Variants in SAMD12 observed in about 807,000 individuals in gnomAD.
The protein encoded by SAMD12 is sterile alpha motif domain-containing protein 12.
A neutral mutation model predicts 15.0 loss-of-function variants in SAMD12; 9 were observed. That is an observed-to-expected ratio of 0.60 (90% CI 0.36 to 1.05). The LOEUF is 1.05. SAMD12 is among the 50% of genes least tolerant of loss of function. The pLI, the probability that SAMD12 is intolerant of heterozygous loss-of-function variation, is 0.01. For synonymous variants in SAMD12, 86 were observed against 90.1 expected (o/e 0.96, Z 0.25); for missense variants, 230 against 234.2 (o/e 0.98, Z 0.12).
intron 3 of SAMD12, among the ~76,000 whole-genome samples, chr8:118,400,939 G>C (rs939808224): frequency 1.3e-5 from 2 of 152,140 alleles, no homozygotes; most frequent in African/African-American, 4.8e-5. Context: ...AACTATATTG[G>C]TTAAATTAAG....
Position 118,379,619 on chromosome 8 carries a change from T to G in SAMD12, c.404A>C (p.Gln135Pro). Residue 135 changes from glutamine to proline, a missense_variant, in exon 4 of 4, where the codon CAA becomes CCA. Transcript: ENST00000314727. The part of the protein sequence containing the change: ...AQENLRQHIL[Q>P]QVLQLKVREE... ...TCGCACCTTCAGCTGGAGCACCTGT[T>G]GTAAGATGTGCTGCCGGAGGTTCTC... The G allele has an allele frequency of 3.1e-6, 5 of 1,613,976 alleles. No homozygotes were observed. Among genetic ancestry groups the G allele is most frequent in the Non-Finnish European group, 4.2e-6 (5 of 1,179,896 alleles).
At chr8:118,163,965 A>C in the SAMD12 span, among the ~76,000 whole-genome samples, 1 of 152,344 alleles carries the variant, frequency 6.6e-6, no homozygotes, top group East Asian at 1.9e-4. Context: ...GAGGAAGAAC[A>C]TTGCTGGAGC....
intron 2 of SAMD12, among the ~76,000 whole-genome samples, chr8:118,515,143 C>A (rs952834243): frequency 2.3e-4 from 34 of 150,574 alleles, no homozygotes; most frequent in Admixed American, 2.3e-3. Context: ...CTCAGCCTCC[C>A]GAGTAGCTGG....
intron 4 of SAMD12, among the ~76,000 whole-genome samples, chr8:118,294,775 C>T (rs531823539): frequency 1.3e-5 from 2 of 152,286 alleles, no homozygotes; most frequent in African/African-American, 2.4e-5. Flanking sequence ...AAAAGTGATA[C>T]TTCGTACATC....
At chr8:118,134,303 C>A in the SAMD12 span, among the ~76,000 whole-genome samples, 1 of 152,194 alleles carries the variant, frequency 6.6e-6, no homozygotes, top group Non-Finnish European at 1.5e-5. Flanking sequence ...AGCTCTCAAC[C>A]CCATGCAGCT....
chr8:118,200,970 C>G (rs1026741170), intron 4 of SAMD12, among the ~76,000 whole-genome samples: 13 of 152,172 alleles, frequency 8.5e-5, no homozygotes, highest in African/African-American at 3.1e-4. Flanking sequence ...GTGGCGTGCA[C>G]CACTACACCC....
intron 3 of SAMD12, among the ~76,000 whole-genome samples, chr8:118,387,267 A>G (rs140912449): frequency 4.6e-4 from 70 of 152,266 alleles, no homozygotes; most frequent in Admixed American, 2.3e-3. Context: ...TGTCTAGGAA[A>G]GCACAATCTG....
chr8:118,601,586 A>C (rs1414447219), intron 1 of SAMD12, among the ~76,000 whole-genome samples: 1 of 152,332 alleles, frequency 6.6e-6, no homozygotes, highest in East Asian at 1.9e-4. Context: ...TCAGAAGAGA[A>C]ATCGTAGAAA....
At chr8:118,156,353 C>T in the SAMD12 span, among the ~76,000 whole-genome samples, 1 of 152,144 alleles carries the variant, frequency 6.6e-6, no homozygotes, top group African/African-American at 2.4e-5. Context: ...TTGCTTGGAT[C>T]CAAATGTCTT....
intron 1 of SAMD12, among the ~76,000 whole-genome samples, chr8:118,608,798 G>A (rs1309893852): frequency 2.6e-5 from 4 of 152,158 alleles, no homozygotes; most frequent in Non-Finnish European, 5.9e-5. Context: ...TACCATGTGT[G>A]AGCATGTGGG....
chr8:118,188,277 A>C (rs959939067), downstream of SAMD12, among the ~76,000 whole-genome samples: 7 of 152,152 alleles, frequency 4.6e-5, no homozygotes, highest in Non-Finnish European at 7.4e-5. Context: ...GACAAAGAGA[A>C]TATTTTGTTT....
At chr8:118,423,092 C>A (rs10955876) in intron 3 of SAMD12, among the ~76,000 whole-genome samples, 48,357 of 152,070 alleles carry the variant, frequency 0.32, 9,070 homozygotes, top group Non-Finnish European at 0.44. Context: ...TGTGTGGAGG[C>A]TCTGGGGCTT....
intron 1 of SAMD12, among the ~76,000 whole-genome samples, chr8:118,596,506 T>C (rs1228330722): frequency 6.6e-6 from 1 of 152,168 alleles, no homozygotes; most frequent in Non-Finnish European, 1.5e-5. Context: ...CAGGTCTCAA[T>C]CCATTATAAT....
At chr8:118,567,693 G>A (rs1355147777) in intron 2 of SAMD12, among the ~76,000 whole-genome samples, 1 of 152,132 alleles carries the variant, frequency 6.6e-6, no homozygotes, top group African/African-American at 2.4e-5. Context: ...AACTATATTT[G>A]TGGCAACCCT....
At chr8:118,400,012 A>G (rs948778744) in intron 3 of SAMD12, among the ~76,000 whole-genome samples, 9 of 152,220 alleles carry the variant, frequency 5.9e-5, no homozygotes, top group African/African-American at 2.2e-4. Context: ...TGTGTGTATC[A>G]TCTATTGATT....
At chr8:118,544,527 AG>A (rs1249789842) in intron 2 of SAMD12, among the ~76,000 whole-genome samples, 1 of 152,200 alleles carries the variant, frequency 6.6e-6, no homozygotes, top group Non-Finnish European at 1.5e-5. Flanking sequence ...GAGGGCTGAA[AG>A]TCAGTCAAAG....
downstream of SAMD12, among the ~76,000 whole-genome samples, chr8:118,376,211 G>A (rs1451585191): frequency 6.6e-6 from 1 of 152,182 alleles, no homozygotes; most frequent in Non-Finnish European, 1.5e-5. Flanking sequence ...GACTTTGAAA[G>A]TGATAACTCT....
chr8:118,366,300 T>C (rs775463843), intron 4 of SAMD12, among the ~76,000 whole-genome samples: 1 of 152,196 alleles, frequency 6.6e-6, no homozygotes, highest in Non-Finnish European at 1.5e-5. Flanking sequence ...CCTTCCTATA[T>C]GACACTGCAA....
At chr8:118,492,851 T>C (rs970364416) in intron 2 of SAMD12, among the ~76,000 whole-genome samples, 2 of 152,180 alleles carry the variant, frequency 1.3e-5, no homozygotes, top group Admixed American at 1.3e-4. Context: ...TAAGTACTTA[T>C]AAAAATTACT....
Sources: gnomAD v4.1 joint callset for allele counts (sites outside exome capture counted in the v4.1 genomes callset) on GRCh38, gnomAD v4.1.1 for gene constraint, MANE v1.5 for transcripts, NCBI Gene and HGNC (gene_info 2026-07-23, HGNC 2026-07-21) for gene names.